Variants in GNPTG observed in about 807,000 individuals in gnomAD.
GNPTG encodes N-acetylglucosamine-1-phosphotransferase subunit gamma.
A neutral mutation model predicts 43.8 loss-of-function variants in GNPTG; 46 were observed. The observed-to-expected ratio is 1.05, with a 90% CI of 0.83 to 1.34. The LOEUF is 1.34. GNPTG is among the 40% of genes most tolerant of loss of function. The pLI is 0.00. For synonymous variants in GNPTG, 250 were observed against 172.8 expected, an observed-to-expected ratio of 1.45 and a Z score of -3.50; for missense variants, 549 against 411.3, an observed-to-expected ratio of 1.33 and a Z score of -2.90.
intron 3 of GNPTG, among the ~76,000 whole-genome samples, chr16:1,356,181 A>G (rs921021725): frequency 6.6e-6 from 1 of 152,120 alleles, no homozygotes; most frequent in Non-Finnish European, 1.5e-5. Flanking sequence ...GTCCAGGCTC[A>G]GCCAAGCTGA....
chr16:1,360,399 G>C (rs374941950), intron 3 of GNPTG, among the ~76,000 whole-genome samples: 2 of 152,136 alleles, frequency 1.3e-5, no homozygotes, highest in African/African-American at 4.8e-5. Flanking sequence ...CAAGGTGGAC[G>C]GATCACTTCA....
chr16:1,352,373 T>C, intron 3 of GNPTG, 67 bp downstream of exon 3: 1 of 1,443,380 alleles, frequency 6.9e-7, no homozygotes, highest in South Asian at 1.2e-5. Flanking sequence ...GGAGGATGGA[T>C]GAGTGACCCT....
chr16:1,363,227 T>C lies in GNPTG; in HGVS notation c.*136T>C. On this transcript the variant is annotated 3_prime_UTR_variant, in exon 11 of 11. Coordinates refer to ENST00000204679, the MANE Select transcript of GNPTG (RefSeq NM_032520.5). ...AACAAAGATTCAAGGTTTTAATTAA[T>C]TCCCATACTGATAAAAATAACTCCA... 1.4e-6 allele frequency: 1 copy of C among 735,006 alleles called. No homozygotes were observed. The highest frequency in any genetic ancestry group is 2.7e-5 in the East Asian group (1 of 36,848). The allele number at this position is 735,006 out of a possible 1,614,324, so 45.5% of individuals were successfully genotyped here.
intron 3 of GNPTG, among the ~76,000 whole-genome samples, chr16:1,356,033 A>G (rs2034768386): frequency 6.6e-6 from 1 of 151,524 alleles, no homozygotes. Context: ...TTGGGAGGGT[A>G]CTGGGACCAG....
At position 1,352,095 on chromosome 16, in the gene GNPTG, C is replaced by T. The variant is rs1435125822; in HGVS notation, c.53-7C>T. Reference sequence around the variant, plus strand: ...GGCCTCCCCGCTCACGGTCTCGCTCCCCGTAGGGCCCGCGCCGGCAGGTGC... The same window carrying T: ...GGCCTCCCCGCTCACGGTCTCGCTCTCCGTAGGGCCCGCGCCGGCAGGTGC... On this transcript the variant is annotated splice_region_variant and splice_polypyrimidine_tract_variant and intron_variant, in intron 1 of 10. Transcript: ENST00000204679. The T allele has an allele frequency of 5.8e-6, 9 of 1,565,118 alleles. No individual in the cohort carries two copies. The highest frequency in any genetic ancestry group is 6.1e-6 in the Non-Finnish European group (7 of 1,156,690).
intron 3 of GNPTG, among the ~76,000 whole-genome samples, chr16:1,359,471 T>C (rs2034833659): frequency 6.6e-6 from 1 of 152,042 alleles, no homozygotes; most frequent in South Asian, 2.1e-4. Flanking sequence ...GGTTTCACCA[T>C]GTTGGCCAGG....
chr16:1,357,276 G>A (rs2034795137), intron 3 of GNPTG, among the ~76,000 whole-genome samples: 1 of 152,144 alleles, frequency 6.6e-6, no homozygotes, highest in Admixed American at 6.5e-5. Context: ...GTCTCCATCT[G>A]TCTTGGGAGG....
At chr16:1,356,537 C>T (rs1190244063) in intron 3 of GNPTG, among the ~76,000 whole-genome samples, 1 of 152,170 alleles carries the variant, frequency 6.6e-6, no homozygotes, top group Non-Finnish European at 1.5e-5. Flanking sequence ...TGTGGGCCAG[C>T]AGCAGAGGAC....
At chr16:1,360,094 TA>T (rs2034843654) in intron 3 of GNPTG, among the ~76,000 whole-genome samples, 2 of 151,460 alleles carry the variant, frequency 1.3e-5, no homozygotes, top group Non-Finnish European at 2.9e-5. Context: ...GCGACAATGC[TA>T]GACTCCGTCT....
chr16:1,352,050 C>T (rs1567179606), intron 1 of GNPTG, 33 bp downstream of exon 1: 1 of 1,518,510 alleles, frequency 6.6e-7, no homozygotes, highest in South Asian at 1.2e-5. Flanking sequence ...TCCCCAGGCC[C>T]CGCGCGCGCT....
chr16:1,361,636 T>G (rs2141861428), intron 3 of GNPTG, 107 bp from the exon 4 acceptor site: 1 of 1,136,290 alleles, frequency 8.8e-7, no homozygotes, highest in South Asian at 1.3e-5. Flanking sequence ...AGAGTGAGAC[T>G]CCATCTCAAA....
rs2034988025 is a variant in GNPTG, at chr16:1,363,398, T to A, written c.*307T>A. 4.4e-5 allele frequency: 17 copies of A among 389,442 alleles called. 1 individual carries two copies. The highest frequency in any genetic ancestry group is 3.7e-4 in the South Asian group (17 of 45,724). The allele number at this position is 389,442 out of a possible 1,614,324, so 24.1% of individuals were successfully genotyped here. A position where few individuals can be genotyped will look rare whatever the true frequency, so the allele number is the denominator to read the frequency against. Reference sequence around the variant, plus strand: ...CATTCAAATAACATTCTCATGTAAATACTCAAACATACAGATTGAGGCTTC... The same window carrying A: ...CATTCAAATAACATTCTCATGTAAAAACTCAAACATACAGATTGAGGCTTC... On this transcript the variant is annotated 3_prime_UTR_variant, in exon 11 of 11. Transcript: ENST00000204679.
chr16:1,361,200 C>CA (rs551342849), intron 3 of GNPTG: 1 of 159,452 alleles, frequency 6.3e-6, no homozygotes, highest in African/African-American at 2.4e-5. Flanking sequence ...CTTGGCCTCC[C>CA]AAAGTGCTGG....
At chr16:1,356,453 C>G (rs1247185865) in intron 3 of GNPTG, among the ~76,000 whole-genome samples, 1 of 152,142 alleles carries the variant, frequency 6.6e-6, no homozygotes, top group Admixed American at 6.5e-5. Context: ...GGCCAGCCCC[C>G]ACCTGTCTCA....
rs991432590 is a variant in GNPTG, at chr16:1,352,150, A to T, written c.101A>T (p.Asn34Ile). The T allele has an allele frequency of 6.3e-7, 1 of 1,580,146 alleles. No individual in the cohort carries two copies. Among genetic ancestry groups the T allele is most frequent in the Non-Finnish European group, 8.6e-7 (1 of 1,164,724 alleles). ...AAKMKVVEEP[N>I]AFGVNNPFLP... ...AAGATGAAGGTGGTGGAGGAGCCCA[A>T]CGCGTTTGGGTGAGCAGCCTCGCGG... is the stretch of plus-strand genomic sequence containing the variant. The change falls in exon 2 of 11, where the codon AAC becomes ATC. Residue 34 changes from asparagine (N) to isoleucine (I), a missense_variant. Transcript: ENST00000204679.
chr16:1,362,014 C>G, intron 5 of GNPTG, 24 bp from the exon 6 acceptor site: 1 of 1,612,844 alleles, frequency 6.2e-7, no homozygotes, highest in Non-Finnish European at 8.5e-7. Flanking sequence ...CCCGGCCTCA[C>G]GTGCCGTGCC....
At chr16:1,359,943 CTACAAAAA>C (rs1033014345) in intron 3 of GNPTG, among the ~76,000 whole-genome samples, 4 of 152,050 alleles carry the variant, frequency 2.6e-5, no homozygotes, top group Non-Finnish European at 4.4e-5. Context: ...AACCCCGTCT[CTACAAAAA>C]TACAAAAATT....
chr16:1,358,730 C>CT lies in GNPTG; in HGVS notation c.179-3012dup, dbSNP rs536787162. 5.4e-4 allele frequency among the ~76,000 whole-genome samples: 82 copies of CT among 152,286 alleles called. 5 individuals are homozygous for CT. In the South Asian group the frequency reaches 0.016, roughly 30 times the overall value. Reference sequence around the variant, plus strand: ...CAGCATTGCACGAGGGGTCCAGTTTCTCCACATTTTCACCAACACTGTTTT... The same window carrying CT: ...CAGCATTGCACGAGGGGTCCAGTTTCTTCCACATTTTCACCAACACTGTTTT... On this transcript the variant is annotated intron_variant, in intron 3 of 10. Coordinates refer to ENST00000204679, the MANE Select transcript of GNPTG (RefSeq NM_032520.5).
chr16:1,353,439 A>G (rs1330288294), intron 3 of GNPTG, among the ~76,000 whole-genome samples: 2 of 152,216 alleles, frequency 1.3e-5, no homozygotes, highest in Non-Finnish European at 2.9e-5. Context: ...AATACATAGA[A>G]TGGCCAATGA....
Sources: allele counts gnomAD v4.1 joint callset (sites outside exome capture counted in the v4.1 genomes callset), GRCh38; gene constraint gnomAD v4.1.1; transcripts MANE v1.5; gene names NCBI Gene and HGNC (gene_info 2026-07-23, HGNC 2026-07-21).